LY75: variants seen among roughly 807,000 people sequenced by gnomAD.
LY75 encodes lymphocyte antigen 75.
Under a neutral mutation model 231.7 loss-of-function variants are expected in LY75, and 185 were observed. That is an observed-to-expected ratio of 0.80 (90% CI 0.71 to 0.90). The LOEUF is 0.90. LY75 is among the 40% of genes least tolerant of loss of function. The pLI is 0.00. For synonymous variants in LY75, 668 were observed against 689.0 expected, an observed-to-expected ratio of 0.97 and a Z score of 0.48; for missense variants, 1,947 against 2,050.2, an observed-to-expected ratio of 0.95 and a Z score of 0.97.
At chr2:159,838,987 G>C (rs998835509) in intron 25 of LY75, among the ~76,000 whole-genome samples, 7 of 151,942 alleles carry the variant, frequency 4.6e-5, no homozygotes, top group African/African-American at 1.5e-4. Context: ...GTAGAGACAG[G>C]GTTTCACCAT....
At chr2:159,881,316 T>C in intron 7 of LY75, 76 bp from the exon 8 acceptor site, 4 of 1,453,052 alleles carry the variant, frequency 2.8e-6, no homozygotes, top group Non-Finnish European at 3.7e-6. Context: ...TACAAATTTT[T>C]ATATTCTGAT....
intron 13 of LY75, among the ~76,000 whole-genome samples, chr2:159,870,058 A>C (rs1242926307): frequency 6.6e-6 from 1 of 152,184 alleles, no homozygotes; most frequent in Non-Finnish European, 1.5e-5. Context: ...TTAATAAATA[A>C]ATATTTATGG....
chr2:159,875,447 A>T lies in LY75; in HGVS notation c.1971T>A (p.Tyr657Ter), dbSNP rs1167820046. The change falls in exon 12 of 35, where the codon TAT becomes TAA. Residue 657 changes from tyrosine (Y) to a stop codon, truncating the protein, a stop_gained. Transcript: ENST00000263636. LOFTEE classifies it high-confidence loss of function. ...TAGAATGAGAATGTCACTTTACCTTATAACAAGAAAGACTTGCGGGGAAAC... is the reference window on the plus strand; with the variant it reads ...TAGAATGAGAATGTCACTTTACCTTTTAACAAGAAAGACTTGCGGGGAAAC... ...WQSFPASLSC[Y>*]KVFHAERIVR... 1 of 1,612,688 alleles carries T rather than the reference A, an allele frequency of 6.2e-7. No homozygotes were observed. The highest frequency in any genetic ancestry group is 8.5e-7 in the Non-Finnish European group (1 of 1,179,532).
At chr2:159,815,274 T>G (rs1683090052) in intron 31 of LY75, 131 bp downstream of exon 31, 1 of 1,177,302 alleles carries the variant, frequency 8.5e-7, no homozygotes, top group African/African-American at 1.6e-5. Flanking sequence ...GTGCTGGGAT[T>G]ACAGGCGCGA....
intron 28 of LY75, among the ~76,000 whole-genome samples, chr2:159,820,405 G>C (rs959723205): frequency 3.3e-5 from 5 of 152,252 alleles, no homozygotes; most frequent in African/African-American, 1.2e-4. Flanking sequence ...TGGAAATGGA[G>C]ATCATTATTC....
chr2:159,867,646 G>C (rs898498711), intron 13 of LY75, among the ~76,000 whole-genome samples: 2 of 152,172 alleles, frequency 1.3e-5, no homozygotes, highest in African/African-American at 4.8e-5. Context: ...CAGTATCTCA[G>C]CCATAAGCCC....
In LY75 at chr2:159,806,970, T is replaced by C; in HGVS notation, c.4990+3A>G. On this transcript the variant is annotated splice_donor_region_variant and intron_variant, in intron 34 of 34. Transcript: ENST00000263636. ...GTCTCCTAAGGACAGGTTCCATACT[T>C]ACCCAGAGGCACTTTGCAGACAACT... The C allele has an allele frequency of 1.2e-6, 2 of 1,611,596 alleles. No homozygotes were observed. Among genetic ancestry groups the C allele is most frequent in the Non-Finnish European group, 1.7e-6 (2 of 1,178,550 alleles).
At chr2:159,840,684 T>G in intron 25 of LY75, 45 bp downstream of exon 25, 2 of 1,612,232 alleles carry the variant, frequency 1.2e-6, no homozygotes, top group Non-Finnish European at 1.7e-6. Flanking sequence ...ATAAAAAATG[T>G]CGCTTTCCAT....
intron 12 of LY75, among the ~76,000 whole-genome samples, chr2:159,874,951 TTATAAA>T (rs1478247130): frequency 2.9e-5 from 4 of 139,680 alleles, no homozygotes; most frequent in African/African-American, 1.0e-4. Flanking sequence ...GTAAATATAT[TTATAAA>T]TATATTTATA....
rs116164115 is a variant in LY75, at chr2:159,846,227, A to C, written c.3150+3753T>G. ...TGCTATCAGAAAGGGGAAAAAAAAA[A>C]CACACAAAAAACAGAGGCTGGGTGT... is the stretch of plus-strand genomic sequence containing the variant. On this transcript the variant is annotated intron_variant, in intron 23 of 34. Coordinates refer to ENST00000263636, the MANE Select transcript of LY75 (RefSeq NM_002349.4). Among the ~76,000 whole-genome samples the C allele has an allele frequency of 8.1e-3, 1,236 of 151,780 alleles. 19 individuals are homozygous for C. Among genetic ancestry groups the C allele is most frequent in the African/African-American group, 0.028 (1,131 of 41,124 alleles).
At chr2:159,818,252 G>A (rs1300056058) in intron 29 of LY75, among the ~76,000 whole-genome samples, 4 of 152,112 alleles carry the variant, frequency 2.6e-5, no homozygotes, top group African/African-American at 9.7e-5. Flanking sequence ...GAGGAAAAGA[G>A]GTAACTTTGC....
At chr2:159,874,754 GTAAATATATGTAAATATA>G (rs1685191563) in intron 12 of LY75, among the ~76,000 whole-genome samples, 1 of 72,420 alleles carries the variant, frequency 1.4e-5, no homozygotes, top group South Asian at 4.0e-4. Context: ...TATATATTTT[GTAAATATATGTAAATATA>G]TATATTTTGT....
At chr2:159,896,492 G>T (rs1685912631) in intron 2 of LY75, among the ~76,000 whole-genome samples, 1 of 152,268 alleles carries the variant, frequency 6.6e-6, no homozygotes, top group South Asian at 2.1e-4. Context: ...CCCTAGCTTT[G>T]CTGTAACAAA....
chr2:159,893,537 C>T (rs1560104953), intron 3 of LY75, among the ~76,000 whole-genome samples: 1 of 152,294 alleles, frequency 6.6e-6, no homozygotes, highest in South Asian at 2.1e-4. Context: ...GTGAAACTTA[C>T]GAGGCTTACT....
intron 13 of LY75, among the ~76,000 whole-genome samples, chr2:159,870,155 A>G (rs1041694721): frequency 5.9e-5 from 9 of 152,200 alleles, no homozygotes; most frequent in African/African-American, 1.4e-4. Flanking sequence ...CAGAAGCTAT[A>G]TTAGAGCAAA....
At chr2:159,873,172 A>G (rs1000914391) in intron 12 of LY75, among the ~76,000 whole-genome samples, 3 of 151,892 alleles carry the variant, frequency 2.0e-5, no homozygotes, top group African/African-American at 7.2e-5. Context: ...AAGAAGAAAA[A>G]GAGGAGGAGG....
chr2:159,861,584 C>CA (rs1391829257), intron 14 of LY75, among the ~76,000 whole-genome samples: 14 of 151,086 alleles, frequency 9.3e-5, no homozygotes, highest in Middle Eastern at 3.6e-3. Flanking sequence ...CCCATCTCTA[C>CA]AAAAAATACA....
intron 1 of LY75, 110 bp from the exon 2 acceptor site, chr2:159,899,169 C>T: frequency 4.0e-6 from 6 of 1,507,916 alleles, no homozygotes; most frequent in Non-Finnish European, 5.3e-6. Context: ...TCAGTCTGTT[C>T]CCACTCTTTT....
intron 23 of LY75, among the ~76,000 whole-genome samples, chr2:159,844,592 T>A (rs185641251): frequency 6.6e-6 from 1 of 151,870 alleles, no homozygotes; most frequent in East Asian, 1.9e-4. Context: ...ACGAGAGAGG[T>A]AACTATAGGA....
Sources: gnomAD v4.1 joint callset for allele counts (sites outside exome capture counted in the v4.1 genomes callset) on GRCh38, gnomAD v4.1.1 for gene constraint, MANE v1.5 for transcripts, NCBI Gene and HGNC (gene_info 2026-07-23, HGNC 2026-07-21) for gene names.